Variants in NLGN1 observed in about 807,000 individuals in gnomAD.
NLGN1 encodes the protein neuroligin 1, also known as neuroligin-1.
A neutral mutation model predicts 65.5 loss-of-function variants in NLGN1; 12 were observed. The observed-to-expected ratio is 0.18, with a 90% CI of 0.12 to 0.30. The LOEUF (loss-of-function observed/expected upper bound fraction) is 0.30, where lower values mean the gene tolerates loss of function less well. Ranked by LOEUF, NLGN1 falls within the 10% of genes least tolerant of loss-of-function variation. The pLI, the probability that NLGN1 is intolerant of heterozygous loss-of-function variation, is 1.00. For synonymous variants in NLGN1, 350 were observed against 359.5 expected (o/e 0.97, Z 0.30); for missense variants, 750 against 1,007.1 (o/e 0.74, Z 3.46).
At chr3:173,522,425 T>C (rs1734913325) in intron 2 of NLGN1, among the ~76,000 whole-genome samples, 1 of 152,190 alleles carries the variant, frequency 6.6e-6, no homozygotes, top group South Asian at 2.1e-4. Flanking sequence ...AACATATGCA[T>C]ACAGGTGTTG....
intron 2 of NLGN1, among the ~76,000 whole-genome samples, chr3:173,511,459 G>T (rs1280299915): frequency 2.0e-5 from 3 of 152,104 alleles, no homozygotes; most frequent in African/African-American, 7.2e-5. Context: ...TTAGACAAAG[G>T]TATAATGATT....
intron 4 of NLGN1, among the ~76,000 whole-genome samples, chr3:173,922,288 A>G (rs1370739913): frequency 2.6e-5 from 4 of 152,224 alleles, no homozygotes; most frequent in African/African-American, 4.8e-5. Context: ...TAAGGCTAAT[A>G]TAAGTTATTT....
chr3:173,731,756 C>T (rs112249271), intron 3 of NLGN1, among the ~76,000 whole-genome samples: 1 of 151,880 alleles, frequency 6.6e-6, no homozygotes, highest in Non-Finnish European at 1.5e-5. Context: ...ATATTCTGTA[C>T]CTATAATTTA....
intron 4 of NLGN1, among the ~76,000 whole-genome samples, chr3:173,961,136 A>C (rs1392289618): frequency 6.6e-6 from 1 of 152,078 alleles, no homozygotes; most frequent in Non-Finnish European, 1.5e-5. Context: ...TCCTATGTAT[A>C]CTTTACTTTC....
chr3:173,599,171 C>A (rs1481522486), intron 2 of NLGN1, among the ~76,000 whole-genome samples: 1 of 152,026 alleles, frequency 6.6e-6, no homozygotes, highest in Non-Finnish European at 1.5e-5. Flanking sequence ...AAATTGTGTT[C>A]ATTTGTTTAT....
Position 173,484,177 on chromosome 3 carries a change from A to G in NLGN1, c.-321+49099A>G, listed in dbSNP as rs148065453. ...TTAAACCTATGTGTATTTAAAAGAT[A>G]TACAAAGCAGTGGGGAAAGAGTTGC... On this transcript the variant is annotated intron_variant, in intron 2 of 6. Coordinates refer to ENST00000457714, the Ensembl canonical transcript of NLGN1. Among the ~76,000 whole-genome samples the G allele has an allele frequency of 3.7e-3, 568 of 152,282 alleles. 4 individuals carry two copies. Among genetic ancestry groups the G allele is most frequent in the Middle Eastern group, 0.02 (6 of 294 alleles).
chr3:173,984,390 C>CA (rs1463016008), intron 4 of NLGN1, among the ~76,000 whole-genome samples: 10 of 152,234 alleles, frequency 6.6e-5, no homozygotes, highest in African/African-American at 2.2e-4. Flanking sequence ...CTAGGTTCTA[C>CA]AAAATGCTAA....
At chr3:174,259,624 T>C (rs1746466925) in intron 4 of NLGN1, among the ~76,000 whole-genome samples, 1 of 152,162 alleles carries the variant, frequency 6.6e-6, no homozygotes, top group Non-Finnish European at 1.5e-5. Flanking sequence ...AATGTTTGGT[T>C]TCAATTCTAA....
intron 2 of NLGN1, among the ~76,000 whole-genome samples, chr3:173,490,635 T>A (rs543286100): frequency 6.6e-6 from 1 of 152,122 alleles, no homozygotes; most frequent in Non-Finnish European, 1.5e-5. Flanking sequence ...GTGAAGAAAG[T>A]CATTAGTAGC....
chr3:173,858,115 C>T (rs1174703693), intron 4 of NLGN1, among the ~76,000 whole-genome samples: 1 of 152,076 alleles, frequency 6.6e-6, no homozygotes, highest in Admixed American at 6.6e-5. Flanking sequence ...ATTTCAAGAA[C>T]CTCACTATTT....
chr3:173,514,110 C>T (rs763528429), intron 2 of NLGN1, among the ~76,000 whole-genome samples: 8 of 152,112 alleles, frequency 5.3e-5, no homozygotes, highest in Non-Finnish European at 1.0e-4. Flanking sequence ...AAACAATGCT[C>T]AGTACATAAG....
chr3:174,021,522 A>G (rs1213605645), intron 4 of NLGN1, among the ~76,000 whole-genome samples: 4 of 152,166 alleles, frequency 2.6e-5, no homozygotes, highest in Non-Finnish European at 4.4e-5. Flanking sequence ...CCTCCCAAAT[A>G]TATGTTTTTA....
intron 2 of NLGN1, among the ~76,000 whole-genome samples, chr3:173,502,844 ACAATGATCAGGC>A (rs1476993880): frequency 6.6e-6 from 1 of 152,130 alleles, no homozygotes; most frequent in African/African-American, 2.4e-5. Context: ...TTCAGAGGAA[ACAATGATCAGGC>A]CAGCTGCAGA....
At chr3:173,809,544 A>T (rs1330691975) in intron 4 of NLGN1, among the ~76,000 whole-genome samples, 1 of 152,192 alleles carries the variant, frequency 6.6e-6, no homozygotes, top group East Asian at 1.9e-4. Flanking sequence ...GGACTTGAAC[A>T]TCCAGTTATT....
At chr3:173,758,773 A>G (rs1344913984) in intron 3 of NLGN1, among the ~76,000 whole-genome samples, 1 of 152,140 alleles carries the variant, frequency 6.6e-6, no homozygotes, top group African/African-American at 2.4e-5. Context: ...AGCAGTTACT[A>G]TACCCAATTA....
At chr3:173,607,587 G>A (rs1157272360) in intron 3 of NLGN1, among the ~76,000 whole-genome samples, 6 of 151,404 alleles carry the variant, frequency 4.0e-5, no homozygotes, top group South Asian at 2.1e-4. Context: ...TCATTTTTCC[G>A]AACTTTTACC....
chr3:174,230,994 G>A (rs1191170573), intron 4 of NLGN1, among the ~76,000 whole-genome samples: 2 of 152,132 alleles, frequency 1.3e-5, no homozygotes, highest in Admixed American at 6.5e-5. Flanking sequence ...CAGGAAGGGG[G>A]TTTGTTTGAG....
chr3:174,133,879 A>G (rs895113079), intron 4 of NLGN1, among the ~76,000 whole-genome samples: 1 of 107,786 alleles, frequency 9.3e-6, no homozygotes, highest in Non-Finnish European at 1.9e-5. Context: ...TCTCTCCCCC[A>G]CCACACCCCA....
chr3:173,481,109 A>T (rs1045039823), intron 2 of NLGN1, among the ~76,000 whole-genome samples: 1 of 152,054 alleles, frequency 6.6e-6, no homozygotes, highest in Non-Finnish European at 1.5e-5. Context: ...TGGCATTCAA[A>T]TCAAGGCAGT....
Sources: gnomAD v4.1 joint callset for allele counts (sites outside exome capture counted in the v4.1 genomes callset) on GRCh38, gnomAD v4.1.1 for gene constraint, MANE v1.5 for transcripts, NCBI Gene and HGNC (gene_info 2026-07-23, HGNC 2026-07-21) for gene names.